The following FRK variants were observed in gnomAD, a reference collection of about 807,000 sequenced individuals.
FRK encodes fyn related Src family tyrosine kinase, also known as tyrosine-protein kinase FRK.
Under a neutral mutation model 56.4 loss-of-function variants are expected in FRK, and 51 were observed. That is an observed-to-expected ratio of 0.90 (90% CI 0.72 to 1.14). The LOEUF is 1.14. Among genes scored for constraint, FRK ranks in the 50% most tolerant of loss-of-function variants. The pLI, the probability that FRK is intolerant of heterozygous loss-of-function variation, is 0.00. For missense variants in FRK, 570 were observed against 601.4 expected (o/e 0.95, Z 0.55); for synonymous variants, 245 against 217.9 (o/e 1.12, Z -1.10).
Position 115,979,777 on chromosome 6 carries a change from T to C in FRK, c.467-11038A>G, listed in dbSNP as rs191193543. ...TATAAATACACAAATACTATTGTGT[T>C]ACAGTTGCTTACAGTATTCAGTTTA... On this transcript the variant is annotated intron_variant, in intron 2 of 7. Transcript: ENST00000606080. 1.5e-4 allele frequency among the ~76,000 whole-genome samples: 23 copies of C among 152,264 alleles called. No individual in the cohort carries two copies. In the East Asian group the frequency reaches 4.3e-3, roughly 28 times the overall value.
intron 1 of FRK, among the ~76,000 whole-genome samples, chr6:116,011,502 C>A (rs1337479718): frequency 6.6e-6 from 1 of 151,374 alleles, no homozygotes; most frequent in African/African-American, 2.4e-5. Context: ...CCAGAAAATG[C>A]AGAAAGGAAA....
rs370418556 is a variant in FRK at position 116,059,576 on chromosome 6, A to G, written c.344+392T>C. 1.5e-3 allele frequency among the ~76,000 whole-genome samples: 222 copies of G among 152,324 alleles called. 1 individual carries two copies. Among genetic ancestry groups the G allele is most frequent in the African/African-American group, 5.1e-3 (212 of 41,574 alleles). ...TTCAAAAGTTTTTTTTAAAAAAAAG[A>G]ATCTGAAGTTTAGATTTGAGAATAT... On this transcript the variant is annotated intron_variant, in intron 1 of 7. Coordinates refer to ENST00000606080, the MANE Select transcript of FRK (RefSeq NM_002031.3).
chr6:115,951,589 T>C (rs574702970), intron 5 of FRK, among the ~76,000 whole-genome samples: 234 of 152,328 alleles, frequency 1.5e-3, no homozygotes, highest in Non-Finnish European at 2.2e-3. Flanking sequence ...ATCTTTCTCA[T>C]TTTGGAGAAA....
rs1347582799 is a variant in FRK, at chr6:115,936,180, C to T, written c.*6234G>A. ...AATCTTTGCTGTTCTGCAGCCTCCA[C>T]TCGTGACACCAAGGCAAACAGCATC... On this transcript the variant is annotated 3_prime_UTR_variant, in exon 8 of 8. Coordinates refer to ENST00000606080, the MANE Select transcript of FRK (RefSeq NM_002031.3). 6.4e-6 allele frequency: 1 copy of T among 156,670 alleles called. No homozygotes were observed. Among genetic ancestry groups the T allele is most frequent in the Non-Finnish European group, 1.4e-5 (1 of 71,772 alleles). 9.7% of individuals were successfully genotyped at this position (156,670 alleles called of 1,614,324 possible).
chr6:116,063,118 G>A (rs1777679558), upstream of FRK, among the ~76,000 whole-genome samples: 1 of 152,128 alleles, frequency 6.6e-6, no homozygotes, highest in Non-Finnish European at 1.5e-5. Flanking sequence ...GTCATTACTA[G>A]TAAGAGTAGC....
chr6:116,048,016 A>G (rs1412741844), intron 1 of FRK, among the ~76,000 whole-genome samples: 2 of 152,238 alleles, frequency 1.3e-5, no homozygotes, highest in Non-Finnish European at 2.9e-5. Context: ...AACTACAGCT[A>G]TTTAAATCTA....
At position 115,995,771 on chromosome 6, in the gene FRK, G is replaced by A. The variant is rs117404624; in HGVS notation, c.466+8106C>T. ...TGTACAGATGCAAACACAGACACAC[G>A]TGCACATAATAAAATGTTAATTTAA... On this transcript the variant is annotated intron_variant, in intron 2 of 7. Coordinates refer to ENST00000606080, the MANE Select transcript of FRK (RefSeq NM_002031.3). Among the ~76,000 whole-genome samples the A allele has an allele frequency of 2.6e-4, 40 of 152,184 alleles. No homozygotes were observed. In the East Asian group the frequency reaches 6.8e-3, roughly 26 times the overall value.
At position 116,018,555 on chromosome 6, in the gene FRK, T is replaced by C. The variant is rs147551070; in HGVS notation, c.345-14557A>G. ...ATAAGTGTCTTGAAGTAGACTAAAA[T>C]GTTTGCTCTCTTACAAAGTGTTTTC... is the stretch of plus-strand genomic sequence containing the variant. On this transcript the variant is annotated intron_variant, in intron 1 of 7. Transcript: ENST00000606080. Among the ~76,000 whole-genome samples the C allele has an allele frequency of 4.7e-4, 71 of 152,330 alleles. 1 individual carries two copies. In the East Asian group the frequency reaches 0.012, roughly 26 times the overall value.
intron 2 of FRK, among the ~76,000 whole-genome samples, chr6:115,973,538 C>G (rs536054747): frequency 6.6e-6 from 1 of 152,132 alleles, no homozygotes; most frequent in East Asian, 1.9e-4. Flanking sequence ...CACATGTATC[C>G]CAGAACTTAA....
upstream of FRK, among the ~76,000 whole-genome samples, chr6:116,063,570 A>C (rs1178435472): frequency 1.3e-5 from 2 of 152,126 alleles, no homozygotes; most frequent in African/African-American, 2.4e-5. Flanking sequence ...AATCAGGGGA[A>C]TGGGGAGATG....
At chr6:115,990,869 GT>G (rs1403878357) in intron 2 of FRK, among the ~76,000 whole-genome samples, 1 of 151,830 alleles carries the variant, frequency 6.6e-6, no homozygotes, top group Non-Finnish European at 1.5e-5. Flanking sequence ...GGGCAGTATA[GT>G]CATTTTAATG....
chr6:116,074,562 G>A, the FRK span, among the ~76,000 whole-genome samples: 21 of 152,028 alleles, frequency 1.4e-4, no homozygotes, highest in Non-Finnish European at 2.9e-4. Context: ...GTGAGTTATG[G>A]CTACATTTTC....
In FRK at chr6:116,023,529, A is replaced by G. The variant is rs1229221973; in HGVS notation, c.345-19531T>C. 3.3e-5 allele frequency among the ~76,000 whole-genome samples: 5 copies of G among 152,228 alleles called. No individual in the cohort carries two copies. The South Asian group carries it at 1.0e-3, about 31-fold the overall frequency. On this transcript the variant is annotated intron_variant, in intron 1 of 7. Transcript: ENST00000606080. The stretch of plus-strand genomic sequence containing the variant: ...TTATGTCAAGCCAAAGAAGCAAGAC[A>G]CAGAAAAGTAGATATATGATTGCAT...
At chr6:116,000,189 TAA>T in intron 2 of FRK, among the ~76,000 whole-genome samples, 1 of 150,836 alleles carries the variant, frequency 6.6e-6, no homozygotes, top group South Asian at 2.1e-4. Flanking sequence ...AATTCTACTT[TAA>T]GTTTGTTTTC....
At chr6:116,015,607 T>G (rs372598775) in intron 1 of FRK, among the ~76,000 whole-genome samples, 1 of 152,186 alleles carries the variant, frequency 6.6e-6, no homozygotes, top group African/African-American at 2.4e-5. Flanking sequence ...AGTTTGGAAC[T>G]TCCTAGACAC....
At chr6:115,988,845 C>T (rs917450588) in intron 2 of FRK, among the ~76,000 whole-genome samples, 1 of 151,912 alleles carries the variant, frequency 6.6e-6, no homozygotes, top group African/African-American at 2.4e-5. Context: ...AAGATTCAAA[C>T]ATTTATTTAG....
Position 115,940,504 on chromosome 6 carries a change from C to G in FRK, c.*1910G>C, listed in dbSNP as rs1772136277. The G allele has an allele frequency of 6.6e-6, 1 of 152,106 alleles. No homozygotes were observed. The highest frequency in any genetic ancestry group is 1.5e-5 in the Non-Finnish European group (1 of 68,028). The allele number at this position is 152,106 out of a possible 1,614,324, so 9.4% of individuals were successfully genotyped here. On this transcript the variant is annotated 3_prime_UTR_variant, in exon 8 of 8. Coordinates refer to ENST00000606080, the MANE Select transcript of FRK (RefSeq NM_002031.3). ...GGGATCTAATTAAACTAAAGAGCTT[C>G]TAGACAGCAAAAGAAACTATCATCA...
chr6:116,000,497 C>A (rs1381783408), intron 2 of FRK, among the ~76,000 whole-genome samples: 6 of 152,084 alleles, frequency 3.9e-5, no homozygotes, highest in Non-Finnish European at 8.8e-5. Context: ...CCCAGCTCGG[C>A]CTCCCAAAGT....
chr6:116,003,492 C>A (rs1449313385), intron 2 of FRK, among the ~76,000 whole-genome samples: 1 of 152,030 alleles, frequency 6.6e-6, no homozygotes, highest in Non-Finnish European at 1.5e-5. Context: ...GTTTAACCAG[C>A]AAAGAGAATT....
Sources: gnomAD v4.1 joint callset for allele counts (sites outside exome capture counted in the v4.1 genomes callset) on GRCh38, gnomAD v4.1.1 for gene constraint, MANE v1.5 for transcripts, NCBI Gene and HGNC (gene_info 2026-07-23, HGNC 2026-07-21) for gene names.